Variants in FBLN1 observed in about 807,000 individuals in gnomAD.
FBLN1 encodes the protein fibulin-1.
A neutral mutation model predicts 89.7 loss-of-function variants in FBLN1; 34 were observed. The ratio of observed to expected loss-of-function variants is 0.38; its 90% CI spans 0.29 to 0.50. The LOEUF is 0.50. Among genes scored for constraint, FBLN1 ranks in the 20% least tolerant of loss-of-function variants. The pLI is 0.92. For missense variants in FBLN1, 777 were observed against 988.1 expected (o/e 0.79, Z 2.86); for synonymous variants, 393 against 391.3 (o/e 1.00, Z -0.05).
intron 1 of FBLN1, among the ~76,000 whole-genome samples, chr22:45,518,430 G>T (rs897304297): frequency 6.6e-6 from 1 of 152,196 alleles, no homozygotes; most frequent in Non-Finnish European, 1.5e-5. Context: ...GGGCTGAGCC[G>T]CAGCCCTGTC....
chr22:45,517,195 A>C (rs1431333540), intron 1 of FBLN1: 1 of 224,460 alleles, frequency 4.5e-6, no homozygotes, highest in East Asian at 1.5e-4. Flanking sequence ...TGCCAAGCCC[A>C]GTGGGATTTA....
chr22:45,560,414 A>G (rs1390467479), intron 14 of FBLN1, among the ~76,000 whole-genome samples: 1 of 152,214 alleles, frequency 6.6e-6, no homozygotes, highest in Non-Finnish European at 1.5e-5. Flanking sequence ...GTAGGTCTAA[A>G]GTGACTAATC....
At chr22:45,514,089 G>A (rs2088137880) in intron 1 of FBLN1, among the ~76,000 whole-genome samples, 1 of 152,064 alleles carries the variant, frequency 6.6e-6, no homozygotes, top group African/African-American at 2.4e-5. Flanking sequence ...GGCCAAGCTT[G>A]TTTATTTAAA....
intron 14 of FBLN1, among the ~76,000 whole-genome samples, chr22:45,567,121 A>T (rs1290033570): frequency 2.0e-5 from 3 of 152,204 alleles, no homozygotes; most frequent in Non-Finnish European, 2.9e-5. Flanking sequence ...CTGGGCTGGG[A>T]TCTGTGCTCT....
chr22:45,600,727 T>C lies in FBLN1; in HGVS notation c.*281T>C. 1 of 483,372 alleles carries C rather than the reference T, an allele frequency of 2.1e-6. No individual in the cohort carries two copies. The highest frequency in any genetic ancestry group is 3.8e-6 in the Non-Finnish European group (1 of 264,152). The allele number at this position is 483,372 out of a possible 1,614,324, so 29.9% of individuals were successfully genotyped here. ...CCTTTCTCTGCCTCTGGCTGGGCCT[T>C]GCTAAGGGCCAAGGAAAGAAAGACA... On this transcript the variant is annotated 3_prime_UTR_variant, in exon 17 of 17. Coordinates refer to ENST00000327858, the MANE Select transcript of FBLN1 (RefSeq NM_006486.3).
chr22:45,543,721 T>C (rs1375356858), intron 11 of FBLN1, among the ~76,000 whole-genome samples, 195 bp downstream of exon 11: 1 of 152,174 alleles, frequency 6.6e-6, no homozygotes, highest in East Asian at 1.9e-4. Flanking sequence ...CCTGATGACA[T>C]CCACCCTCCG....
chr22:45,561,766 G>A lies in FBLN1; in HGVS notation c.1697+11151G>A, dbSNP rs1404936514. Among the ~76,000 whole-genome samples the A allele has an allele frequency of 5.9e-5, 9 of 152,210 alleles. No individual in the cohort carries two copies. The East Asian group carries it at 1.2e-3, about 20-fold the overall frequency. Reference sequence around the variant, plus strand: ...GAGTTTATTAAGCATTAACTCACACGATCACAAGGTCCCACAATAGGCCAT... The same window carrying A: ...GAGTTTATTAAGCATTAACTCACACAATCACAAGGTCCCACAATAGGCCAT... On this transcript the variant is annotated intron_variant, in intron 14 of 16. Coordinates refer to ENST00000327858, the MANE Select transcript of FBLN1 (RefSeq NM_006486.3). The surrounding 1 kb of genome is among the most constrained non-coding windows in gnomAD (Gnocchi z 4.7).
chr22:45,560,530 C>T (rs558268455), intron 14 of FBLN1, among the ~76,000 whole-genome samples: 10 of 152,248 alleles, frequency 6.6e-5, no homozygotes, highest in Non-Finnish European at 8.8e-5. Context: ...TCTCTTCATC[C>T]GTATTTCAGC....
chr22:45,568,415 TTTCTGTAGGGGAGTGCTCC>T (rs2088916464), intron 14 of FBLN1, among the ~76,000 whole-genome samples: 13 of 56,720 alleles, frequency 2.3e-4, no homozygotes, highest in South Asian at 1.8e-3. Flanking sequence ...GGGAGTGCTC[TTTCTGTAGGGGAGTGCTCC>T]TTCTGTAGGG....
intron 5 of FBLN1, 49 bp from the exon 6 acceptor site, chr22:45,533,014 G>A: frequency 1.3e-6 from 2 of 1,542,118 alleles, no homozygotes; most frequent in Non-Finnish European, 9.0e-7. Context: ...TAGAAACCAG[G>A]CGGTGCCTGG....
At chr22:45,594,997 G>A (rs548843293) in intron 16 of FBLN1, among the ~76,000 whole-genome samples, 39 of 152,300 alleles carry the variant, frequency 2.6e-4, no homozygotes, top group Admixed American at 1.8e-3. Flanking sequence ...TATGTGCCAG[G>A]AACTGAGGAC....
At position 45,568,525 on chromosome 22, in the gene FBLN1, GCCTCTTCTGTAGGGGAA is replaced by G. The variant is rs2088919548; in HGVS notation, c.1698-5985_1698-5969del. ...GGGAGTGCTCCTTCTGTAGGGGAATGCCTCTTCTGTAGGGGAATGCTCCTTCTGTAGGGCATGCTCCT... is the reference window on the plus strand; with the variant it reads ...GGGAGTGCTCCTTCTGTAGGGGAATGTGCTCCTTCTGTAGGGCATGCTCCT... On this transcript the variant is annotated intron_variant, in intron 14 of 16. Coordinates refer to ENST00000327858, the MANE Select transcript of FBLN1 (RefSeq NM_006486.3). 8.7e-5 allele frequency among the ~76,000 whole-genome samples: 12 copies of G among 137,760 alleles called. 1 individual carries two copies. Among genetic ancestry groups the G allele is most frequent in the East Asian group, 5.9e-4 (3 of 5,060 alleles). 90.4% of individuals were successfully genotyped at this position (137,760 alleles called of 152,430 possible).
At position 45,600,449 on chromosome 22, in the gene FBLN1, G is replaced by C. The variant is rs1383604372; in HGVS notation, c.*3G>C. On this transcript the variant is annotated 3_prime_UTR_variant, in exon 17 of 17. Coordinates refer to ENST00000327858, the MANE Select transcript of FBLN1 (RefSeq NM_006486.3). ...TCGTCTCTGAGTACTGGTTCTGAGG[G>C]CTGGTCTGCCGCACAGCCGCAGGTG... 6.2e-7 allele frequency: 1 copy of C among 1,614,140 alleles called. No individual in the cohort carries two copies. The highest frequency in any genetic ancestry group is 2.2e-5 in the East Asian group (1 of 44,884).
chr22:45,517,728 C>T (rs562290655), intron 1 of FBLN1: 1 of 430,054 alleles, frequency 2.3e-6, no homozygotes, highest in Non-Finnish European at 4.8e-6. Context: ...CATCACCAGC[C>T]TCGGTTTCCT....
Position 45,537,619 on chromosome 22 carries a change from CAA to C in FBLN1, c.922+2296_922+2297del, listed in dbSNP as rs136748. Among the ~76,000 whole-genome samples, 189 of 135,492 alleles carry C rather than the reference CAA, an allele frequency of 1.4e-3. 1 individual carries two copies. Among genetic ancestry groups the C allele is most frequent in the East Asian group, 9.6e-3 (43 of 4,480 alleles). 88.9% of individuals were successfully genotyped at this position (135,492 alleles called of 152,430 possible). On this transcript the variant is annotated intron_variant, in intron 8 of 16. Coordinates refer to ENST00000327858, the MANE Select transcript of FBLN1 (RefSeq NM_006486.3). This position sits in a 1 kb window ranked among gnomAD's most constrained non-coding sequence, Gnocchi z 5.7. ...TGGACAACAGAGCAAGACTCTGTGT[CAA>C]AAAAAAAAAAAAAGATAAAAAGACA...
chr22:45,583,084 T>C lies in FBLN1; in HGVS notation c.1972+5976T>C, dbSNP rs1195854515. Among the ~76,000 whole-genome samples, 1 of 152,076 alleles carries C rather than the reference T, an allele frequency of 6.6e-6. No individual in the cohort carries two copies. The highest frequency in any genetic ancestry group is 1.5e-5 in the Non-Finnish European group (1 of 67,992). On this transcript the variant is annotated intron_variant, in intron 16 of 16. Transcript: ENST00000327858. The surrounding 1 kb of genome is among the most constrained non-coding windows in gnomAD (Gnocchi z 4.5). ...GCTGTTAGATCCTCGAGCAGCCTTGTGGGACAGCCACCCTGGGGCTGGTAT... is the reference window on the plus strand; with the variant it reads ...GCTGTTAGATCCTCGAGCAGCCTTGCGGGACAGCCACCCTGGGGCTGGTAT...
intron 2 of FBLN1, among the ~76,000 whole-genome samples, chr22:45,519,743 G>A (rs2088223456): frequency 6.6e-6 from 1 of 152,164 alleles, no homozygotes; most frequent in South Asian, 2.1e-4. Context: ...TGTACCGTCT[G>A]CACGGACAGC....
chr22:45,540,701 T>A (rs1437733719), intron 8 of FBLN1, among the ~76,000 whole-genome samples: 1 of 152,190 alleles, frequency 6.6e-6, no homozygotes, highest in Non-Finnish European at 1.5e-5. Flanking sequence ...TTGTATGTCA[T>A]CAAAGGTAAA....
At chr22:45,599,913 G>A (rs970278977) in intron 16 of FBLN1, among the ~76,000 whole-genome samples, 6 of 152,146 alleles carry the variant, frequency 3.9e-5, no homozygotes, top group South Asian at 4.1e-4. Flanking sequence ...GTGAAACTCC[G>A]TCGCAAAAAC....
Sources: gnomAD v4.1 joint callset for allele counts (sites outside exome capture counted in the v4.1 genomes callset) on GRCh38, gnomAD v4.1.1 for gene constraint, Gnocchi (gnomAD v3.1) non-coding constraint, MANE v1.5 for transcripts, NCBI Gene and HGNC (gene_info 2026-07-23, HGNC 2026-07-21) for gene names.